The following CCDC148 variants were observed in gnomAD, a reference collection of about 807,000 sequenced individuals.
CCDC148 encodes the protein coiled-coil domain-containing protein 148.
CCDC148 carries 89 observed loss-of-function variants against 85.7 expected under a neutral mutation model. The ratio of observed to expected loss-of-function variants is 1.04; its 90% CI spans 0.87 to 1.24. The LOEUF is 1.24. Among genes scored for constraint, CCDC148 ranks in the 50% most tolerant of loss-of-function variants. The pLI is 0.00. For synonymous variants in CCDC148, 230 were observed against 213.9 expected (o/e 1.08, Z -0.66); for missense variants, 692 against 671.7 (o/e 1.03, Z -0.33).
chr2:158,255,942 G>A (rs16842831), intron 9 of CCDC148, among the ~76,000 whole-genome samples: 1,771 of 151,742 alleles, frequency 0.012, 27 homozygotes, highest in African/African-American at 0.04. Flanking sequence ...AAATATGCTC[G>A]TCTACTGCAA....
chr2:158,319,623 CT>C (rs1159961980), intron 7 of CCDC148, among the ~76,000 whole-genome samples: 2 of 152,148 alleles, frequency 1.3e-5, no homozygotes, highest in Admixed American at 1.3e-4. Flanking sequence ...TAAGAAATTC[CT>C]TTATTATGTA....
intron 1 of CCDC148, among the ~76,000 whole-genome samples, chr2:158,432,362 A>G (rs1478453186): frequency 6.6e-6 from 1 of 152,220 alleles, no homozygotes; most frequent in Non-Finnish European, 1.5e-5. Flanking sequence ...GACAAACAAT[A>G]TGGTATTTAC....
At chr2:158,181,072 C>G (rs902946141) in intron 11 of CCDC148, among the ~76,000 whole-genome samples, 1 of 152,148 alleles carries the variant, frequency 6.6e-6, no homozygotes, top group Admixed American at 6.5e-5. Context: ...GCACTGAGTA[C>G]AAGCTAAGTG....
intron 11 of CCDC148, among the ~76,000 whole-genome samples, chr2:158,199,621 C>A (rs1304454995): frequency 6.6e-6 from 1 of 152,090 alleles, no homozygotes; most frequent in African/African-American, 2.4e-5. Flanking sequence ...TTAGGTGCTT[C>A]TAGATGATAG....
Position 158,327,725 on chromosome 2 carries a change from G to A in CCDC148, c.764+11001C>T, listed in dbSNP as rs934935117. ...TAATCCTGTGAATTTTATTGATATC[G>A]TTAAATTCATATATTGATGGAAAAT... On this transcript the variant is annotated intron_variant, in intron 7 of 13. Coordinates refer to ENST00000283233, the MANE Select transcript of CCDC148 (RefSeq NM_138803.4). Among the ~76,000 whole-genome samples the A allele has an allele frequency of 2.4e-4, 37 of 152,052 alleles. 2 individuals are homozygous for A. Among genetic ancestry groups the A allele is most frequent in the East Asian group, 2.3e-3 (12 of 5,184 alleles).
chr2:158,230,706 T>C (rs1687813521), intron 10 of CCDC148, among the ~76,000 whole-genome samples: 1 of 152,006 alleles, frequency 6.6e-6, no homozygotes, highest in South Asian at 2.1e-4. Flanking sequence ...GGAGCACGGG[T>C]AGTAGAGAAG....
At chr2:158,389,280 C>A (rs1314229174) in intron 1 of CCDC148, among the ~76,000 whole-genome samples, 1 of 152,110 alleles carries the variant, frequency 6.6e-6, no homozygotes, top group Non-Finnish European at 1.5e-5. Flanking sequence ...TATAAAAAGA[C>A]CAAATAGTCC....
At position 158,174,753 on chromosome 2, in the gene CCDC148, C is replaced by T. The variant is rs1197463669; in HGVS notation, c.1629+1768G>A. The stretch of plus-strand genomic sequence containing the variant: ...TACTGTAGGAAGTTGTAACACAATG[C>T]TAAGTACTTGTGAAACTAAACATAC... On this transcript the variant is annotated intron_variant, in intron 13 of 13. Transcript: ENST00000283233. 2.0e-5 allele frequency among the ~76,000 whole-genome samples: 3 copies of T among 152,050 alleles called. No individual in the cohort carries two copies. The East Asian group carries it at 5.8e-4, about 30-fold the overall frequency.
intron 1 of CCDC148, among the ~76,000 whole-genome samples, chr2:158,389,423 C>T (rs138483344): frequency 6.6e-6 from 1 of 152,126 alleles, no homozygotes; most frequent in African/African-American, 2.4e-5. Flanking sequence ...TAATTTACTG[C>T]AAAACATGAC....
chr2:158,177,016 T>TA (rs948316664), intron 12 of CCDC148, among the ~76,000 whole-genome samples: 7 of 151,526 alleles, frequency 4.6e-5, no homozygotes, highest in African/African-American at 1.2e-4. Context: ...TCACAGAAAG[T>TA]AAAAAAAAAT....
chr2:158,275,170 G>T (rs1007101409), intron 9 of CCDC148, among the ~76,000 whole-genome samples: 5 of 152,184 alleles, frequency 3.3e-5, no homozygotes. Context: ...AAATGCCATC[G>T]CTAAGAATCT....
At chr2:158,229,435 G>A (rs143311682) in intron 10 of CCDC148, among the ~76,000 whole-genome samples, 2 of 152,270 alleles carry the variant, frequency 1.3e-5, no homozygotes, top group East Asian at 3.9e-4. Flanking sequence ...TGACATAATT[G>A]TAGGAACTAG....
chr2:158,228,812 GT>G (rs71404400), intron 10 of CCDC148, among the ~76,000 whole-genome samples: 1 of 141,504 alleles, frequency 7.1e-6, no homozygotes, highest in African/African-American at 2.6e-5. Flanking sequence ...CTGTTGTGGG[GT>G]TGGGGGGAGG....
chr2:158,408,371 AC>A (rs1258570854), intron 1 of CCDC148, among the ~76,000 whole-genome samples: 1 of 152,078 alleles, frequency 6.6e-6, no homozygotes, highest in Non-Finnish European at 1.5e-5. Context: ...GTACCCTTTG[AC>A]CAATATTTCC....
At chr2:158,271,170 G>T (rs1025575399) in intron 9 of CCDC148, among the ~76,000 whole-genome samples, 4 of 151,908 alleles carry the variant, frequency 2.6e-5, no homozygotes, top group Admixed American at 2.6e-4. Flanking sequence ...AGAAGATTTT[G>T]GGGGGGTTAA....
At chr2:158,418,181 C>T (rs1237831698) in intron 1 of CCDC148, among the ~76,000 whole-genome samples, 4 of 151,914 alleles carry the variant, frequency 2.6e-5, no homozygotes, top group Non-Finnish European at 5.9e-5. Flanking sequence ...CCCAGGCTTG[C>T]TGATTAACCT....
intron 12 of CCDC148, among the ~76,000 whole-genome samples, chr2:158,177,345 G>A (rs774064525): frequency 2.6e-5 from 4 of 152,078 alleles, no homozygotes; most frequent in Non-Finnish European, 5.9e-5. Context: ...AGTAACACCT[G>A]CCTATTAATT....
intron 9 of CCDC148, among the ~76,000 whole-genome samples, chr2:158,272,207 A>G (rs1404967478): frequency 6.6e-6 from 1 of 152,182 alleles, no homozygotes; most frequent in Non-Finnish European, 1.5e-5. Context: ...TGGGGAAAGC[A>G]CAAAGAACTT....
chr2:158,327,995 C>G (rs189313488), intron 7 of CCDC148, among the ~76,000 whole-genome samples: 1 of 151,786 alleles, frequency 6.6e-6, no homozygotes, highest in East Asian at 1.9e-4. Context: ...AATTTTATAC[C>G]CAGCCATCTT....
Sources: allele counts gnomAD v4.1 joint callset (sites outside exome capture counted in the v4.1 genomes callset), GRCh38; gene constraint gnomAD v4.1.1; transcripts MANE v1.5; gene names NCBI Gene and HGNC (gene_info 2026-07-23, HGNC 2026-07-21).